Variants in SIGLEC1 observed in about 807,000 individuals in gnomAD.
The protein encoded by SIGLEC1 is sialoadhesin.
Under a neutral mutation model 148.0 loss-of-function variants are expected in SIGLEC1, and 132 were observed. That is an observed-to-expected ratio of 0.89 (90% confidence interval 0.77 to 1.03). The LOEUF is 1.03. Among genes scored for constraint, SIGLEC1 ranks in the 50% least tolerant of loss-of-function variants. The pLI is 0.00. For missense variants in SIGLEC1, 2,253 were observed against 2,271.4 expected, an observed-to-expected ratio of 0.99 and a Z score of 0.16; for synonymous variants, 945 against 969.0, an observed-to-expected ratio of 0.98 and a Z score of 0.46.
chr20:3,691,661 G>A, intron 17 of SIGLEC1, 61 bp from the exon 18 acceptor site: 2 of 1,574,932 alleles, frequency 1.3e-6, no homozygotes, highest in Admixed American at 1.7e-5. Flanking sequence ...TGGAGCCTCT[G>A]GGTGGGACCT....
At chr20:3,692,268 G>T (rs1271558204) in intron 16 of SIGLEC1, 66 bp from the exon 17 acceptor site, 31 of 1,454,184 alleles carry the variant, frequency 2.1e-5, no homozygotes, top group Non-Finnish European at 1.3e-5. Flanking sequence ...TTGCCTAGCT[G>T]CCTGGGGTTG....
Position 3,693,606 on chromosome 20 carries a change from G to A in SIGLEC1, c.3349C>T (p.Leu1117Phe), listed in dbSNP as rs1333531691. Residue 1117 changes from leucine to phenylalanine, a missense_variant, in exon 14 of 22, where the codon CTC becomes TTC. Leu to Phe is a conservative substitution (Grantham distance 22). Coordinates refer to ENST00000344754, the MANE Select transcript of SIGLEC1 (RefSeq NM_023068.4). Reference protein sequence around the residue: ...CLVWTTHPAQLTYTWYQDGQQ... With the variant: ...CLVWTTHPAQFTYTWYQDGQQ... Reference sequence around the variant, plus strand: ...CCATCCTGGTACCATGTGTAGGTGAGCTGGGCCGGGTGAGTGGTCCACACA... The same window carrying A: ...CCATCCTGGTACCATGTGTAGGTGAACTGGGCCGGGTGAGTGGTCCACACA... 13 of 1,612,796 alleles carry A rather than the reference G, an allele frequency of 8.1e-6. No homozygotes were observed. The highest frequency in any genetic ancestry group is 1.1e-5 in the Non-Finnish European group (13 of 1,179,726).
chr20:3,698,807 A>C (rs557893689), intron 8 of SIGLEC1, among the ~76,000 whole-genome samples: 2 of 152,304 alleles, frequency 1.3e-5, no homozygotes, highest in South Asian at 4.1e-4. Context: ...GCGGATGCAG[A>C]GGGGCTGTCT....
In SIGLEC1 at chr20:3,707,247, C is replaced by A; in HGVS notation, c.-109-10G>T. On this transcript the variant is annotated splice_polypyrimidine_tract_variant and intron_variant, in intron 1 of 21. Transcript: ENST00000344754. Reference sequence around the variant, plus strand: ...TTAGCCCCAGCACCTGCTAGAAGTCCGAGCCTGTGTCCCCACCTCCTCTGC... The same window carrying A: ...TTAGCCCCAGCACCTGCTAGAAGTCAGAGCCTGTGTCCCCACCTCCTCTGC... 1.2e-6 allele frequency: 1 copy of A among 829,572 alleles called. No homozygotes were observed. The highest frequency in any genetic ancestry group is 2.0e-6 in the Non-Finnish European group (1 of 504,846). The allele number at this position is 829,572 out of a possible 1,614,324, so 51.4% of individuals were successfully genotyped here.
rs1394205922 is a variant in SIGLEC1, at chr20:3,706,629, A to C, written c.127T>G (p.Phe43Val). 6.3e-7 allele frequency: 1 copy of C among 1,594,040 alleles called. No homozygotes were observed. The highest frequency in any genetic ancestry group is 8.5e-7 in the Non-Finnish European group (1 of 1,170,702). ...KGSCLLIPCI[F>V]SFPADVEVPD... The stretch of plus-strand genomic sequence containing the variant: ...ACCTCCACGTCGGCAGGGAAGCTGA[A>C]GATGCAGGGGATAAGCAGGCAAGAC... The change falls in exon 3 of 22, where the codon TTC becomes GTC. Residue 43 changes from phenylalanine (F) to valine (V), a missense_variant. Coordinates refer to ENST00000344754, the MANE Select transcript of SIGLEC1 (RefSeq NM_023068.4).
At chr20:3,697,771 A>C (rs1412802618) in intron 9 of SIGLEC1, 27 bp downstream of exon 9, 3 of 1,604,144 alleles carry the variant, frequency 1.9e-6, no homozygotes, top group Non-Finnish European at 2.6e-6. Flanking sequence ...CCCTGCCCCC[A>C]GGCCACCCAT....
rs1480089919 is a variant in SIGLEC1, at chr20:3,706,725, G to A, written c.50-19C>T. On this transcript the variant is annotated intron_variant, in intron 2 of 21. Coordinates refer to ENST00000344754, the MANE Select transcript of SIGLEC1 (RefSeq NM_023068.4). ...GCCTGGCCTGGGGGAAGAACGGCAG[G>A]GGGACAGAGGGGAGGGTGATACAGG... 11 of 1,521,682 alleles carry A rather than the reference G, an allele frequency of 7.2e-6. No homozygotes were observed. The highest frequency in any genetic ancestry group is 1.4e-5 in the African/African-American group (1 of 72,778). 94.3% of individuals were successfully genotyped at this position (1,521,682 alleles called of 1,614,324 possible).
At chr20:3,695,026 G>C (rs1433409645) in intron 11 of SIGLEC1, 103 bp from the exon 12 acceptor site, 2 of 1,255,072 alleles carry the variant, frequency 1.6e-6, no homozygotes, top group Non-Finnish European at 2.2e-6. Flanking sequence ...AACCCCATGT[G>C]CTGGAGCCGC....
At position 3,687,704 on chromosome 20, in the gene SIGLEC1, C is replaced by G. The variant is rs1461419123; in HGVS notation, c.*856G>C. 2 of 152,260 alleles carry G rather than the reference C, an allele frequency of 1.3e-5. No individual in the cohort carries two copies. Among genetic ancestry groups the G allele is most frequent in the Non-Finnish European group, 2.9e-5 (2 of 68,060 alleles). The allele number at this position is 152,260 out of a possible 1,614,324, so 9.4% of individuals were successfully genotyped here. ...GATGGGCACTGAGACAAAACATGGC[C>G]TGCTGGTGGCATTCCCAACAATGTC... On this transcript the variant is annotated 3_prime_UTR_variant, in exon 22 of 22. Transcript: ENST00000344754.
At position 3,699,304 on chromosome 20, in the gene SIGLEC1, G is replaced by A. The variant is rs557781531; in HGVS notation, c.1684C>T (p.Leu562Phe). 1.9e-5 allele frequency: 30 copies of A among 1,608,566 alleles called. No individual in the cohort carries two copies. Among genetic ancestry groups the A allele is most frequent in the Admixed American group, 1.2e-4 (7 of 59,190 alleles). The change falls in exon 8 of 22, where the codon CTC (leucine) becomes TTC (phenylalanine). Residue 562 changes from leucine (L) to phenylalanine (F), a missense_variant. Coordinates refer to ENST00000344754, the MANE Select transcript of SIGLEC1 (RefSeq NM_023068.4). ...LHEGPGSSLL[L>F]PAASSTDAGS... ...GCGTCAGTGCTGGAGGCCGCGGGGA[G>A]CAGGAGGCTGCTGCCGGGACCCTCG...
At chr20:3,689,033 C>G (rs1600277534) in intron 21 of SIGLEC1, 122 bp downstream of exon 21, 1 of 860,720 alleles carries the variant, frequency 1.2e-6, no homozygotes. Flanking sequence ...GTTCCCTGCA[C>G]ACTCTCCCCA....
intron 10 of SIGLEC1, 44 bp downstream of exon 10, chr20:3,697,041 C>A (rs762485841): frequency 6.3e-7 from 1 of 1,595,432 alleles, no homozygotes; most frequent in Admixed American, 1.7e-5. Flanking sequence ...CCAGACCACC[C>A]CTCCACCCTC....
rs1425483648 is a variant in SIGLEC1 at position 3,705,733 on chromosome 20, A to T, written c.706+11T>A. The stretch of plus-strand genomic sequence containing the variant: ...CGCTCAGCCACAAGGGTGTGTCCCC[A>T]GACAACTCACACTTCACTTGGAGGT... On this transcript the variant is annotated intron_variant, in intron 4 of 21. Coordinates refer to ENST00000344754, the MANE Select transcript of SIGLEC1 (RefSeq NM_023068.4). 2.5e-6 allele frequency: 4 copies of T among 1,596,846 alleles called. No individual in the cohort carries two copies. The highest frequency in any genetic ancestry group is 3.4e-6 in the Non-Finnish European group (4 of 1,168,902).
chr20:3,688,899 A>T, intron 21 of SIGLEC1: 1 of 598,082 alleles, frequency 1.7e-6, no homozygotes, highest in Non-Finnish European at 3.0e-6. Flanking sequence ...GTGTCTTGGA[A>T]ATGGAGGGGA....
chr20:3,699,739 G>T (rs551428768), intron 7 of SIGLEC1, among the ~76,000 whole-genome samples: 9 of 152,330 alleles, frequency 5.9e-5, no homozygotes, highest in African/African-American at 2.2e-4. Context: ...CACTTTGGGA[G>T]ACTGAGGCAG....
chr20:3,699,170 G>A (rs2087828834), intron 8 of SIGLEC1, 32 bp downstream of exon 8: 1 of 1,599,894 alleles, frequency 6.3e-7, no homozygotes, highest in Non-Finnish European at 8.5e-7. Context: ...GTGGGTCCCG[G>A]CAGGAGGCTG....
Position 3,694,460 on chromosome 20 carries a change from C to A in SIGLEC1, c.3017G>T (p.Arg1006Leu), listed in dbSNP as rs767258272. Residue 1006 changes from arginine to leucine, a missense_variant, in exon 13 of 22, where the codon CGT becomes CTT. Arg to Leu is a moderately radical substitution (Grantham distance 102). Coordinates refer to ENST00000344754, the MANE Select transcript of SIGLEC1 (RefSeq NM_023068.4). ...GPGRLGLLLCRVDSDPPAQLR... is the reference protein window; with the variant it reads ...GPGRLGLLLCLVDSDPPAQLR... ...CTGGGCCGGAGGGTCACTGTCCACACGGCACAGGAGGAGGCCCAGTCGTCC... is the reference window on the plus strand; with the variant it reads ...CTGGGCCGGAGGGTCACTGTCCACAAGGCACAGGAGGAGGCCCAGTCGTCC... 1 of 1,606,798 alleles carries A rather than the reference C, an allele frequency of 6.2e-7. No homozygotes were observed. Among genetic ancestry groups the A allele is most frequent in the Admixed American group, 1.7e-5 (1 of 59,400 alleles).
chr20:3,689,062 G>C (rs1342315394), intron 21 of SIGLEC1, 93 bp downstream of exon 21: 1 of 1,123,414 alleles, frequency 8.9e-7, no homozygotes, highest in Non-Finnish European at 1.4e-6. Context: ...TTGGTCCCAG[G>C]CACCATCCTC....
At chr20:3,712,365 G>C (rs2087933339) in intron 1 of SIGLEC1, among the ~76,000 whole-genome samples, 105 bp downstream of exon 1, 1 of 145,236 alleles carries the variant, frequency 6.9e-6, no homozygotes. Flanking sequence ...CCCAGATGGA[G>C]CCCCCCCCCG....
Sources: allele counts gnomAD v4.1 joint callset (sites outside exome capture counted in the v4.1 genomes callset), GRCh38; gene constraint gnomAD v4.1.1; transcripts MANE v1.5; gene names NCBI Gene and HGNC (gene_info 2026-07-23, HGNC 2026-07-21).